Variants in MTHFD1L observed in about 807,000 individuals in gnomAD.
The protein encoded by MTHFD1L is methylenetetrahydrofolate dehydrogenase (NADP+ dependent) 1 like.
In MTHFD1L, 81 loss-of-function variants were observed where a neutral mutation model predicts 119.5. The ratio of observed to expected loss-of-function variants is 0.68; its 90% CI spans 0.57 to 0.82. The LOEUF (loss-of-function observed/expected upper bound fraction) is 0.82, where lower values mean the gene tolerates loss of function less well. Among genes scored for constraint, MTHFD1L ranks in the 40% least tolerant of loss-of-function variants. The pLI is 0.00. For synonymous variants in MTHFD1L, 430 were observed against 475.2 expected, an observed-to-expected ratio of 0.90 and a Z score of 1.24; for missense variants, 1,125 against 1,253.4, an observed-to-expected ratio of 0.90 and a Z score of 1.55.
chr6:150,921,407 C>T (rs1284407711), intron 9 of MTHFD1L, among the ~76,000 whole-genome samples: 1 of 152,154 alleles, frequency 6.6e-6, no homozygotes, highest in Non-Finnish European at 1.5e-5. Flanking sequence ...TGAGCCACTG[C>T]ACCTGGCCTA....
At chr6:151,098,333 A>G (rs1048299525) in intron 27 of MTHFD1L, among the ~76,000 whole-genome samples, 1 of 152,130 alleles carries the variant, frequency 6.6e-6, no homozygotes, top group African/African-American at 2.4e-5. Flanking sequence ...GTTACAAAGT[A>G]CCCTGGGAGG....
chr6:151,089,372 C>T (rs1222200425), intron 26 of MTHFD1L, among the ~76,000 whole-genome samples: 17 of 152,170 alleles, frequency 1.1e-4, no homozygotes, highest in Admixed American at 1.1e-3. Context: ...GAGGCTGAGG[C>T]GGGTGGATCA....
intron 26 of MTHFD1L, among the ~76,000 whole-genome samples, chr6:151,060,629 G>A (rs906463561): frequency 6.6e-6 from 1 of 152,198 alleles, no homozygotes; most frequent in African/African-American, 2.4e-5. Flanking sequence ...CTCACCAGGG[G>A]TCGAGGGACA....
In MTHFD1L at chr6:150,866,065, G is replaced by T. The variant is rs1583255627; in HGVS notation, c.227+16G>T. ...CCATCGTCAGGTGAGTGTCGGGTCT[G>T]GCCCTGGCCCAGGTCTCCAGCGGCT... is the stretch of plus-strand genomic sequence containing the variant. On this transcript the variant is annotated intron_variant, in intron 1 of 27. Transcript: ENST00000367321. 9 of 1,479,548 alleles carry T rather than the reference G, an allele frequency of 6.1e-6. No individual in the cohort carries two copies. In the East Asian group the frequency reaches 2.7e-4, roughly 44 times the overall value. The allele number at this position is 1,479,548 out of a possible 1,614,324, so 91.7% of individuals were successfully genotyped here. A position where few individuals can be genotyped will look rare whatever the true frequency, so the allele number is the denominator to read the frequency against.
intron 15 of MTHFD1L, among the ~76,000 whole-genome samples, chr6:150,946,864 A>G (rs867049570): frequency 6.6e-6 from 1 of 151,894 alleles, no homozygotes. Context: ...TCCTGAGGTC[A>G]GGAGATTGAG....
At chr6:150,962,518 T>G (rs189937761) in intron 18 of MTHFD1L, among the ~76,000 whole-genome samples, 198 of 152,332 alleles carry the variant, frequency 1.3e-3, no homozygotes, top group African/African-American at 4.4e-3. Context: ...AGGGAGGATT[T>G]TAGGAACTGC....
intron 6 of MTHFD1L, among the ~76,000 whole-genome samples, chr6:150,886,889 G>A (rs1782398156): frequency 6.6e-6 from 1 of 151,210 alleles, no homozygotes; most frequent in Non-Finnish European, 1.5e-5. Flanking sequence ...CCGGCTACTT[G>A]GGAGGCTGAG....
intron 24 of MTHFD1L, among the ~76,000 whole-genome samples, chr6:151,017,992 C>G (rs562475904): frequency 7.2e-5 from 11 of 152,044 alleles, no homozygotes; most frequent in African/African-American, 2.7e-4. Flanking sequence ...GCTGGGTCCT[C>G]TAGGATATTT....
intron 26 of MTHFD1L, among the ~76,000 whole-genome samples, chr6:151,075,872 T>A (rs539308058): frequency 1.3e-5 from 2 of 152,366 alleles, no homozygotes; most frequent in Non-Finnish European, 2.9e-5. Context: ...GCAAGTTATC[T>A]ATTTGATATA....
At chr6:151,057,579 C>T (rs910732410) in intron 26 of MTHFD1L, among the ~76,000 whole-genome samples, 1 of 152,074 alleles carries the variant, frequency 6.6e-6, no homozygotes, top group Non-Finnish European at 1.5e-5. Flanking sequence ...CTGAAGTGAG[C>T]TGTGATTGCG....
intron 20 of MTHFD1L, among the ~76,000 whole-genome samples, chr6:150,975,835 T>C (rs1388244086): frequency 4.6e-5 from 7 of 152,194 alleles, no homozygotes; most frequent in African/African-American, 1.7e-4. Context: ...ATTTAGACTT[T>C]CCTACCTCTG....
intron 19 of MTHFD1L, among the ~76,000 whole-genome samples, chr6:150,969,474 C>T (rs141055069): frequency 0.025 from 3,672 of 145,410 alleles, 192 homozygotes; most frequent in Admixed American, 0.15. Flanking sequence ...CCAGCCTGGG[C>T]GACAGATTGA....
chr6:151,080,792 T>TC (rs1375823796), intron 26 of MTHFD1L, among the ~76,000 whole-genome samples: 4 of 152,306 alleles, frequency 2.6e-5, no homozygotes, highest in Middle Eastern at 3.4e-3. Flanking sequence ...ACAGCTGTCT[T>TC]CCCTGTATGT....
intron 20 of MTHFD1L, among the ~76,000 whole-genome samples, chr6:150,996,466 G>A (rs1472773919): frequency 1.3e-5 from 2 of 152,078 alleles, no homozygotes; most frequent in African/African-American, 4.8e-5. Flanking sequence ...ACCATGCCTG[G>A]TTCTTGTCAC....
chr6:150,971,398 A>G lies in MTHFD1L; in HGVS notation c.2014-549A>G, dbSNP rs1366968114. 2.6e-5 allele frequency among the ~76,000 whole-genome samples: 4 copies of G among 152,008 alleles called. No individual in the cohort carries two copies. In the East Asian group the frequency reaches 7.7e-4, roughly 29 times the overall value. ...TGTATTTTTAGTAGAGACGGGTTTC[A>G]CTGTTGGCCAGGCCAGTCTTGAACT... On this transcript the variant is annotated intron_variant, in intron 19 of 27. Coordinates refer to ENST00000367321, the MANE Select transcript of MTHFD1L (RefSeq NM_015440.5).
intron 27 of MTHFD1L, among the ~76,000 whole-genome samples, chr6:151,093,518 G>A (rs891331405): frequency 1.3e-5 from 2 of 152,082 alleles, no homozygotes; most frequent in Non-Finnish European, 2.9e-5. Flanking sequence ...TTAGCTGGGC[G>A]TGTTGGTGGG....
At chr6:150,888,777 T>C (rs1262410186) in intron 7 of MTHFD1L, among the ~76,000 whole-genome samples, 1 of 152,084 alleles carries the variant, frequency 6.6e-6, no homozygotes. Flanking sequence ...TTACAGTAAT[T>C]AGGATAATAT....
In MTHFD1L at chr6:150,949,139, T is replaced by C. The variant is rs1166912543; in HGVS notation, c.1726+6T>C. Reference sequence around the variant, plus strand: ...TACCATCACGTGGCAGAGAGGTGGGTGCTGGGGAGATGCCAGCAGGCTGAT... The same window carrying C: ...TACCATCACGTGGCAGAGAGGTGGGCGCTGGGGAGATGCCAGCAGGCTGAT... On this transcript the variant is annotated splice_donor_region_variant and intron_variant, in intron 16 of 27. Transcript: ENST00000367321. The C allele has an allele frequency of 6.2e-7, 1 of 1,613,270 alleles. No homozygotes were observed. The highest frequency in any genetic ancestry group is 8.5e-7 in the Non-Finnish European group (1 of 1,179,538).
At chr6:150,994,317 A>G (rs901781699) in intron 20 of MTHFD1L, among the ~76,000 whole-genome samples, 23 of 152,146 alleles carry the variant, frequency 1.5e-4, no homozygotes, top group Non-Finnish European at 3.1e-4. Context: ...TGGAAATCAC[A>G]TACAACATAC....
Sources: gnomAD v4.1 joint callset for allele counts (sites outside exome capture counted in the v4.1 genomes callset) on GRCh38, gnomAD v4.1.1 for gene constraint, MANE v1.5 for transcripts, NCBI Gene and HGNC (gene_info 2026-07-23, HGNC 2026-07-21) for gene names.